Variants in WWOX observed in about 807,000 individuals in gnomAD.
WWOX encodes WW domain-containing oxidoreductase.
In WWOX, 69 loss-of-function variants were observed where a neutral mutation model predicts 46.2. The ratio of observed to expected loss-of-function variants is 1.49; its 90% confidence interval spans 1.23 to 1.82. WWOX has a LOEUF of 1.82. Ranked by LOEUF, WWOX falls within the 40% of genes most tolerant of loss-of-function variation. WWOX has a pLI of 0.00. For missense variants in WWOX, 919 were observed against 542.6 expected (o/e 1.69, Z -6.89); for synonymous variants, 359 against 202.6 (o/e 1.77, Z -6.56).
intron 8 of WWOX, among the ~76,000 whole-genome samples, chr16:78,764,695 T>A (rs922089640): frequency 6.6e-6 from 1 of 150,520 alleles, no homozygotes; most frequent in African/African-American, 2.4e-5. Flanking sequence ...AGTTTCCTCA[T>A]CTGCAAAATG....
chr16:78,419,625 CAAAAAAAA>C (rs60762734), intron 6 of WWOX, among the ~76,000 whole-genome samples: 45 of 44,692 alleles, frequency 1.0e-3, no homozygotes, highest in East Asian at 3.0e-3. Flanking sequence ...CAAAAAATAG[CAAAAAAAA>C]AAAAAAAAAA....
intron 8 of WWOX, among the ~76,000 whole-genome samples, chr16:78,796,707 C>G (rs569990552): frequency 5.9e-5 from 9 of 152,162 alleles, no homozygotes; most frequent in African/African-American, 2.2e-4. Context: ...TAGAAAGGGC[C>G]CTGCCTGGGC....
chr16:78,355,777 G>C, intron 5 of WWOX: 1 of 707,010 alleles, frequency 1.4e-6, no homozygotes. Flanking sequence ...ATATTCCAGT[G>C]TTCTTTCTCC....
At chr16:79,104,062 G>T (rs1351438826) in intron 8 of WWOX, among the ~76,000 whole-genome samples, 3 of 136,822 alleles carry the variant, frequency 2.2e-5, no homozygotes, top group African/African-American at 5.3e-5. Context: ...GGGTGGTGGG[G>T]GTACTTACTA....
At chr16:79,011,140 C>CAG (rs2047297426) in intron 8 of WWOX, among the ~76,000 whole-genome samples, 1 of 45,044 alleles carries the variant, frequency 2.2e-5, no homozygotes, top group Non-Finnish European at 3.7e-5. Context: ...CACATCCACA[C>CAG]ACACACACAC....
At chr16:79,104,054 G>GGT (rs2049258921) in intron 8 of WWOX, among the ~76,000 whole-genome samples, 1 of 77,400 alleles carries the variant, frequency 1.3e-5, no homozygotes, top group Non-Finnish European at 2.7e-5. Flanking sequence ...GGGGGGGCGG[G>GGT]TGGTGGGGGT....
intron 5 of WWOX, among the ~76,000 whole-genome samples, chr16:78,376,414 C>A (rs1454954243): frequency 6.6e-6 from 1 of 152,134 alleles, no homozygotes; most frequent in Non-Finnish European, 1.5e-5. Context: ...ACCAGGCTGT[C>A]CCTGTTCTTA....
intron 8 of WWOX, among the ~76,000 whole-genome samples, chr16:78,615,233 T>C (rs753670024): frequency 3.6e-4 from 55 of 152,220 alleles, no homozygotes; most frequent in Admixed American, 2.2e-3. Context: ...ATCACCACTG[T>C]TGAAGGCGCT....
At chr16:78,210,946 A>T (rs1410969305) in intron 5 of WWOX, among the ~76,000 whole-genome samples, 2 of 152,248 alleles carry the variant, frequency 1.3e-5, no homozygotes, top group Non-Finnish European at 2.9e-5. Flanking sequence ...TGATTTAAGT[A>T]CATCTGGGAT....
intron 8 of WWOX, among the ~76,000 whole-genome samples, chr16:79,181,574 G>T (rs1213308299): frequency 6.6e-6 from 1 of 151,584 alleles, no homozygotes; most frequent in Non-Finnish European, 1.5e-5. Flanking sequence ...TTTTTAATTG[G>T]CTGGAAGCAC....
At chr16:78,335,003 A>G (rs2080854819) in intron 5 of WWOX, among the ~76,000 whole-genome samples, 1 of 151,936 alleles carries the variant, frequency 6.6e-6, no homozygotes, top group Admixed American at 6.6e-5. Context: ...GAGGTTCCCC[A>G]AGTAGCCCCT....
chr16:78,714,474 T>A (rs1339420483), intron 8 of WWOX, among the ~76,000 whole-genome samples: 2 of 151,910 alleles, frequency 1.3e-5, no homozygotes, highest in Non-Finnish European at 2.9e-5. Context: ...GTCCCTCCCA[T>A]GATACGTGGG....
chr16:79,061,306 A>AT (rs1238841367), intron 8 of WWOX, among the ~76,000 whole-genome samples: 1 of 152,210 alleles, frequency 6.6e-6, no homozygotes, highest in Non-Finnish European at 1.5e-5. Flanking sequence ...GTATCTTATT[A>AT]TATTAGCCCG....
At chr16:78,273,190 A>G (rs533628802) in intron 5 of WWOX, among the ~76,000 whole-genome samples, 3 of 152,188 alleles carry the variant, frequency 2.0e-5, no homozygotes, top group South Asian at 2.1e-4. Context: ...TGTAGCTCCA[A>G]TTGCCTTCAT....
intron 8 of WWOX, among the ~76,000 whole-genome samples, chr16:79,073,438 C>T (rs532895149): frequency 6.6e-6 from 1 of 152,158 alleles, no homozygotes; most frequent in African/African-American, 2.4e-5. Flanking sequence ...ACTCGGCCTC[C>T]CAAAGTGCTG....
In WWOX at chr16:78,320,125, C is replaced by T. The variant is rs112384765; in HGVS notation, c.517-66735C>T. Among the ~76,000 whole-genome samples the T allele has an allele frequency of 6.4e-3, 981 of 152,292 alleles. 4 individuals are homozygous for T. The highest frequency in any genetic ancestry group is 1.0e-2 in the Non-Finnish European group (679 of 68,030). The stretch of plus-strand genomic sequence containing the variant: ...ATGAGGGCAAAAACTTAGCTTTACT[C>T]AATGTTTTCTCAGCTTCATGTACGT... On this transcript the variant is annotated intron_variant, in intron 5 of 8. Coordinates refer to ENST00000566780, the MANE Select transcript of WWOX (RefSeq NM_016373.4).
At chr16:78,177,784 G>T (rs556201964) in intron 5 of WWOX, among the ~76,000 whole-genome samples, 1 of 152,192 alleles carries the variant, frequency 6.6e-6, no homozygotes, top group African/African-American at 2.4e-5. Context: ...CTGAATTAGC[G>T]AGGGGAGTGC....
At chr16:78,628,107 G>A (rs1567447597) in intron 8 of WWOX, among the ~76,000 whole-genome samples, 1 of 152,216 alleles carries the variant, frequency 6.6e-6, no homozygotes, top group Admixed American at 6.5e-5. Context: ...TGGCCCTACA[G>A]TGGAATGAAC....
intron 5 of WWOX, among the ~76,000 whole-genome samples, chr16:78,239,485 C>T (rs1426332589): frequency 1.3e-5 from 2 of 152,192 alleles, no homozygotes; most frequent in East Asian, 3.9e-4. Flanking sequence ...GCTTCCCAGG[C>T]CCCTCTATCC....
Sources: allele counts gnomAD v4.1 joint callset (sites outside exome capture counted in the v4.1 genomes callset), GRCh38; gene constraint gnomAD v4.1.1; transcripts MANE v1.5; gene names NCBI Gene and HGNC (gene_info 2026-07-23, HGNC 2026-07-21).